Variants in SDK1 observed in about 807,000 individuals in gnomAD.
SDK1 encodes the protein protein sidekick-1.
A neutral mutation model predicts 245.5 loss-of-function variants in SDK1; 157 were observed. That is an observed-to-expected ratio of 0.64 (90% CI 0.56 to 0.73). The LOEUF (loss-of-function observed/expected upper bound fraction) is 0.73. Among genes scored for constraint, SDK1 ranks in the 30% least tolerant of loss-of-function variants. The pLI is 0.00. For synonymous variants in SDK1, 1,647 were observed against 1,278.5 expected, an observed-to-expected ratio of 1.29 and a Z score of -6.15; for missense variants, 3,583 against 3,002.3, an observed-to-expected ratio of 1.19 and a Z score of -4.52.
intron 5 of SDK1, among the ~76,000 whole-genome samples, chr7:3,929,325 G>A (rs955406444): frequency 5.3e-5 from 8 of 152,186 alleles, no homozygotes; most frequent in African/African-American, 1.7e-4. Context: ...GCTGTAATCT[G>A]CCAGCTTGAA....
Position 3,812,475 on chromosome 7 carries a change from C to T in SDK1, c.714-8975C>T, listed in dbSNP as rs1347559714. Among the ~76,000 whole-genome samples the T allele has an allele frequency of 2.6e-5, 4 of 152,158 alleles. No individual in the cohort carries two copies. In the East Asian group the frequency reaches 5.8e-4, roughly 22 times the overall value. On this transcript the variant is annotated intron_variant, in intron 4 of 44. Coordinates refer to ENST00000404826, the MANE Select transcript of SDK1 (RefSeq NM_152744.4). ...GGGTCTATATTTAAGAGTTGAGAGA[C>T]AGTCAATATAGAAGAGTTGGATAGA...
chr7:3,831,906 C>T (rs1779920793), intron 5 of SDK1, among the ~76,000 whole-genome samples: 1 of 151,802 alleles, frequency 6.6e-6, no homozygotes, highest in Non-Finnish European at 1.5e-5. Context: ...AAAAAACGTG[C>T]CAGGTGTGGT....
intron 31 of SDK1, among the ~76,000 whole-genome samples, chr7:4,160,049 C>T (rs755103357): frequency 1.3e-5 from 2 of 152,164 alleles, no homozygotes; most frequent in Non-Finnish European, 2.9e-5. Flanking sequence ...TTATTGTTAG[C>T]AAACCTGGAG....
intron 44 of SDK1, among the ~76,000 whole-genome samples, chr7:4,261,239 C>T (rs542699558): frequency 3.3e-5 from 5 of 152,086 alleles, no homozygotes; most frequent in Non-Finnish European, 5.9e-5. Flanking sequence ...GCTTCCTGCC[C>T]GGGTGCTGAT....
In SDK1 at chr7:4,265,734, C is replaced by G. The variant is rs1467031584; in HGVS notation, c.*350C>G. The G allele has an allele frequency of 1.2e-5, 13 of 1,061,776 alleles. No individual in the cohort carries two copies. Among genetic ancestry groups the G allele is most frequent in the Non-Finnish European group, 1.5e-5 (13 of 882,768 alleles). The allele number at this position is 1,061,776 out of a possible 1,614,324, so 65.8% of individuals were successfully genotyped here. A position where few individuals can be genotyped will look rare whatever the true frequency, so the allele number is the denominator to read the frequency against. On this transcript the variant is annotated 3_prime_UTR_variant, in exon 45 of 45. Coordinates refer to ENST00000404826, the MANE Select transcript of SDK1 (RefSeq NM_152744.4). Reference sequence around the variant, plus strand: ...TCAAGACCAACTAGGAAGGGTCAAGCGGGGAGAGGGAGTGGAGGGTCAGGT... The same window carrying G: ...TCAAGACCAACTAGGAAGGGTCAAGGGGGGAGAGGGAGTGGAGGGTCAGGT...
chr7:4,162,347 G>GGTC (rs1447899804), intron 32 of SDK1, among the ~76,000 whole-genome samples: 1 of 129,120 alleles, frequency 7.7e-6, no homozygotes, highest in Admixed American at 8.8e-5. Flanking sequence ...GGGTGGTGGT[G>GGTC]GTGGTGGTGG....
intron 1 of SDK1, among the ~76,000 whole-genome samples, chr7:3,341,847 T>G (rs978305016): frequency 6.6e-6 from 1 of 152,212 alleles, no homozygotes; most frequent in Non-Finnish European, 1.5e-5. Context: ...AATGTGTCAG[T>G]TCTCCCTGAA....
chr7:3,897,350 A>G (rs938378315), intron 5 of SDK1, among the ~76,000 whole-genome samples: 2 of 152,054 alleles, frequency 1.3e-5, no homozygotes, highest in Admixed American at 6.6e-5. Flanking sequence ...CCATCAAACA[A>G]TGATTCTCAT....
intron 14 of SDK1, among the ~76,000 whole-genome samples, chr7:4,001,907 C>G (rs2128144725): frequency 6.6e-6 from 1 of 152,360 alleles, no homozygotes; most frequent in African/African-American, 2.4e-5. Flanking sequence ...GAACAGGTCT[C>G]TCTCACAATG....
chr7:4,254,013 A>G (rs975449131), intron 44 of SDK1, among the ~76,000 whole-genome samples: 3 of 152,022 alleles, frequency 2.0e-5, no homozygotes, highest in Non-Finnish European at 4.4e-5. Context: ...GTCTTACTCT[A>G]GTATTATTAT....
At chr7:4,256,670 G>T (rs1266947921) in intron 44 of SDK1, among the ~76,000 whole-genome samples, 4 of 152,192 alleles carry the variant, frequency 2.6e-5, no homozygotes, top group African/African-American at 9.7e-5. Context: ...GTACGTCCTC[G>T]GCCCTGGCTT....
chr7:3,638,838 T>C (rs1782556721), intron 2 of SDK1, among the ~76,000 whole-genome samples, 166 bp from the exon 3 acceptor site: 1 of 151,116 alleles, frequency 6.6e-6, no homozygotes, highest in African/African-American at 2.4e-5. Flanking sequence ...GTTAGTGTCA[T>C]GGTTAGGGAA....
At chr7:4,204,751 C>T (rs1011538334) in intron 35 of SDK1, among the ~76,000 whole-genome samples, 2 of 152,212 alleles carry the variant, frequency 1.3e-5, no homozygotes, top group African/African-American at 4.8e-5. Flanking sequence ...GGGAGCCAGG[C>T]CCCCTGCACA....
intron 4 of SDK1, among the ~76,000 whole-genome samples, chr7:3,671,666 A>G (rs917085441): frequency 6.6e-6 from 1 of 152,246 alleles, no homozygotes; most frequent in African/African-American, 2.4e-5. Context: ...GAAGTTAACT[A>G]ATCAAACACT....
At chr7:3,921,617 G>C (rs1447187692) in intron 5 of SDK1, among the ~76,000 whole-genome samples, 2 of 152,072 alleles carry the variant, frequency 1.3e-5, no homozygotes, top group Non-Finnish European at 2.9e-5. Flanking sequence ...GGAAATGAGG[G>C]AATCTAAAGG....
chr7:3,984,406 A>C (rs1783657352), intron 13 of SDK1, among the ~76,000 whole-genome samples: 1 of 152,198 alleles, frequency 6.6e-6, no homozygotes. Flanking sequence ...TTTGAAATCA[A>C]GTGCAAGAGG....
intron 5 of SDK1, among the ~76,000 whole-genome samples, chr7:3,824,687 G>A (rs963088209): frequency 1.3e-5 from 2 of 152,144 alleles, no homozygotes. Flanking sequence ...GTACTTGAGA[G>A]TTCAAAAACG....
chr7:3,814,338 C>G (rs1488717546), intron 4 of SDK1, among the ~76,000 whole-genome samples: 1 of 147,656 alleles, frequency 6.8e-6, no homozygotes, highest in Non-Finnish European at 1.5e-5. Flanking sequence ...TATGGCTAGC[C>G]AGTTTTCCCA....
chr7:3,903,938 A>G (rs537441550), intron 5 of SDK1, among the ~76,000 whole-genome samples: 12 of 152,238 alleles, frequency 7.9e-5, no homozygotes, highest in African/African-American at 2.6e-4. Context: ...CTCTCTGGCC[A>G]TGTAATCTTC....
Sources: allele counts gnomAD v4.1 joint callset (sites outside exome capture counted in the v4.1 genomes callset), GRCh38; gene constraint gnomAD v4.1.1; transcripts MANE v1.5; gene names NCBI Gene and HGNC (gene_info 2026-07-23, HGNC 2026-07-21).